The following NOX3 variants were observed in gnomAD, a reference collection of about 807,000 sequenced individuals.
NOX3 encodes the protein NADPH oxidase catalytic subunit-like 3.
Under a neutral mutation model 76.7 loss-of-function variants are expected in NOX3, and 74 were observed. The observed-to-expected ratio is 0.96, with a 90% confidence interval of 0.80 to 1.17. The LOEUF (loss-of-function observed/expected upper bound fraction) is 1.17, where lower values mean the gene tolerates loss of function less well. NOX3 is among the 50% of genes most tolerant of loss of function. The pLI is 0.00. For synonymous variants in NOX3, 263 were observed against 261.1 expected (o/e 1.01, Z -0.07); for missense variants, 695 against 703.3 (o/e 0.99, Z 0.13).
At chr6:155,432,704 G>A (rs913356406) in intron 7 of NOX3, among the ~76,000 whole-genome samples, 2 of 152,120 alleles carry the variant, frequency 1.3e-5, no homozygotes, top group African/African-American at 2.4e-5. Context: ...TAGACCTATG[G>A]GGGCAACACA....
intron 11 of NOX3, among the ~76,000 whole-genome samples, chr6:155,409,520 T>C (rs1345880226): frequency 2.0e-5 from 3 of 152,306 alleles, no homozygotes; most frequent in Non-Finnish European, 2.9e-5. Flanking sequence ...GTCCCATATT[T>C]CTCAGCCCAA....
intron 10 of NOX3, among the ~76,000 whole-genome samples, chr6:155,414,584 C>T (rs1776598843): frequency 6.7e-6 from 1 of 149,468 alleles, no homozygotes; most frequent in Non-Finnish European, 1.5e-5. Flanking sequence ...TTTTTTTTTA[C>T]AGGACTCATC....
intron 10 of NOX3, among the ~76,000 whole-genome samples, chr6:155,417,401 C>T (rs140358553): frequency 1.3e-5 from 2 of 152,252 alleles, no homozygotes; most frequent in African/African-American, 4.8e-5. Context: ...TTGTGTATTT[C>T]ATTGGACTCT....
chr6:155,415,381 T>C (rs1338109941), intron 10 of NOX3, among the ~76,000 whole-genome samples: 2 of 152,244 alleles, frequency 1.3e-5, no homozygotes, highest in African/African-American at 4.8e-5. Flanking sequence ...TGCCGTATCT[T>C]GAATAGATAT....
chr6:155,432,112 G>T (rs1776842399), intron 7 of NOX3, among the ~76,000 whole-genome samples: 1 of 151,892 alleles, frequency 6.6e-6, no homozygotes, highest in African/African-American at 2.4e-5. Flanking sequence ...TATTCACGAG[G>T]TACATAGTGA....
At chr6:155,420,684 G>A (rs913314453) in intron 10 of NOX3, among the ~76,000 whole-genome samples, 1 of 152,052 alleles carries the variant, frequency 6.6e-6, no homozygotes, top group Non-Finnish European at 1.5e-5. Flanking sequence ...TTTGTGATCA[G>A]GCCTTAGTTT....
chr6:155,448,912 G>A (rs1466665638), intron 4 of NOX3, among the ~76,000 whole-genome samples: 1 of 152,112 alleles, frequency 6.6e-6, no homozygotes, highest in East Asian at 1.9e-4. Flanking sequence ...GCCAGAATTT[G>A]GCTGCAAACT....
chr6:155,439,943 A>G lies in NOX3; in HGVS notation c.668+13T>C. On this transcript the variant is annotated intron_variant, in intron 6 of 13. Transcript: ENST00000159060. ...AGATAAAATCCTTGCAGAGGAGCGCAGTATGGACTTACCCCGTCCCATGGA... is the reference window on the plus strand; with the variant it reads ...AGATAAAATCCTTGCAGAGGAGCGCGGTATGGACTTACCCCGTCCCATGGA... 1 of 1,609,148 alleles carries G rather than the reference A, an allele frequency of 6.2e-7. No homozygotes were observed. The highest frequency in any genetic ancestry group is 8.5e-7 in the Non-Finnish European group (1 of 1,177,992).
intron 4 of NOX3, among the ~76,000 whole-genome samples, chr6:155,446,901 A>G (rs550499828): frequency 6.6e-6 from 1 of 152,266 alleles, no homozygotes; most frequent in South Asian, 2.1e-4. Context: ...TTCCCAATTT[A>G]CAGAAATAGA....
chr6:155,406,210 T>A (rs1187311070), intron 12 of NOX3, among the ~76,000 whole-genome samples: 2 of 152,114 alleles, frequency 1.3e-5, no homozygotes, highest in Non-Finnish European at 2.9e-5. Context: ...GGAGACATCA[T>A]AACAATGATA....
chr6:155,429,045 C>T lies in NOX3; in HGVS notation c.894G>A (p.Val298=), dbSNP rs1776797800. The T allele has an allele frequency of 1.3e-6, 2 of 1,578,016 alleles. No individual in the cohort carries two copies. Among genetic ancestry groups the T allele is most frequent in the Non-Finnish European group, 1.7e-6 (2 of 1,155,854 alleles). Residue 298 remains valine, a splice_region_variant and synonymous_variant, in exon 9 of 14, where the codon GTG becomes GTA. Coordinates refer to ENST00000159060, the MANE Select transcript of NOX3 (RefSeq NM_015718.3). ...CCAGGACTCCAGAGGGGTGGCTTAC[C>T]ACCTATGTGAGAGTGAGAGAGTTGT... ...RFQQEVVITK[V]VSHPSGVLEL... is the part of the protein sequence containing the mutation.
chr6:155,432,385 T>C (rs1165022981), intron 7 of NOX3, among the ~76,000 whole-genome samples: 1 of 127,418 alleles, frequency 7.8e-6, no homozygotes, highest in East Asian at 2.8e-4. Flanking sequence ...TCCACCACCT[T>C]ACTCCTTGAA....
intron 9 of NOX3, among the ~76,000 whole-genome samples, chr6:155,423,176 A>G (rs751991955): frequency 4.6e-5 from 7 of 152,180 alleles, no homozygotes; most frequent in Non-Finnish European, 8.8e-5. Flanking sequence ...TTTGGCTCCA[A>G]GTATCATTGA....
rs200781503 is a variant in NOX3, at chr6:155,422,789, C to T, written c.1213G>A (p.Val405Ile). ...GGAGTGACTCCGATCCCCGCGGCAACGCACACACACACTGGGTAGTGAAAT... is the reference window on the plus strand; with the variant it reads ...GGAGTGACTCCGATCCCCGCGGCAATGCACACACACACTGGGTAGTGAAAT... The part of the protein sequence containing the change: ...DVFHYPVCVC[V>I]AAGIGVTPFA... The change falls in exon 10 of 14, where the codon GTT becomes ATT. Residue 405 changes from valine to isoleucine, a missense_variant. Transcript: ENST00000159060. 3.2e-5 allele frequency: 52 copies of T among 1,614,040 alleles called. No individual in the cohort carries two copies. The highest frequency in any genetic ancestry group is 2.1e-4 in the African/African-American group (16 of 74,920).
In NOX3 at chr6:155,446,937, G is replaced by A. The variant is rs1398710904; in HGVS notation, c.341-3519C>T. Among the ~76,000 whole-genome samples the A allele has an allele frequency of 2.6e-5, 4 of 152,182 alleles. No homozygotes were observed. In the East Asian group the frequency reaches 5.8e-4, roughly 22 times the overall value. ...AACTGAGCTTCGGACCAAGTTAACT[G>A]ATGTGTTTACCATTGCATAATCCAT... is the stretch of plus-strand genomic sequence containing the variant. On this transcript the variant is annotated intron_variant, in intron 4 of 13. Transcript: ENST00000159060.
rs1246094173 is a variant in NOX3 at position 155,455,054 on chromosome 6, A to G, written c.124T>C (p.Tyr42His). Residue 42 changes from tyrosine to histidine, a missense_variant, in exon 2 of 14, where the codon TAC becomes CAC. Physicochemically the swap from Tyr to His is moderately conservative, Grantham distance 83. Coordinates refer to ENST00000159060, the MANE Select transcript of NOX3 (RefSeq NM_015718.3). ...YWYEEEESFHYTRVILGSTLA... is the reference protein window; with the variant it reads ...YWYEEEESFHHTRVILGSTLA... ...CTTACACCCAAAATAACTCGTGTGT[A>G]ATGGAAAGACTCCTCCTCTTCATAC... 1.9e-6 allele frequency: 3 copies of G among 1,612,436 alleles called. No homozygotes were observed. The highest frequency in any genetic ancestry group is 2.2e-5 in the East Asian group (1 of 44,844).
intron 5 of NOX3, among the ~76,000 whole-genome samples, chr6:155,442,830 A>G (rs928522262): frequency 7.2e-5 from 11 of 152,208 alleles, no homozygotes; most frequent in African/African-American, 2.4e-4. Context: ...GTGCCAATGT[A>G]TGAGGCATTC....
At position 155,438,158 on chromosome 6, in the gene NOX3, T is replaced by A. The variant is rs551352777; in HGVS notation, c.669-1611A>T. On this transcript the variant is annotated intron_variant, in intron 6 of 13. Transcript: ENST00000159060. ...AATAGGGCTTCTAGATTCCCCTGAG[T>A]TATAGATAGCCTCATAAATGTGCTT... 2.0e-5 allele frequency among the ~76,000 whole-genome samples: 3 copies of A among 151,980 alleles called. No homozygotes were observed. In the East Asian group the frequency reaches 5.8e-4, roughly 29 times the overall value.
intron 6 of NOX3, 126 bp downstream of exon 6, chr6:155,439,830 G>T: frequency 1.5e-6 from 1 of 677,684 alleles, no homozygotes; most frequent in Non-Finnish European, 2.3e-6. Context: ...CAGTCAATGT[G>T]CTTTTCACAC....
Sources: allele counts gnomAD v4.1 joint callset (sites outside exome capture counted in the v4.1 genomes callset), GRCh38; gene constraint gnomAD v4.1.1; transcripts MANE v1.5; gene names NCBI Gene and HGNC (gene_info 2026-07-23, HGNC 2026-07-21).